The following METAP1 variants were observed in gnomAD, a reference collection of about 807,000 sequenced individuals.
METAP1 encodes methionine aminopeptidase 1.
In METAP1, 28 loss-of-function variants were observed where a neutral mutation model predicts 53.8. The observed-to-expected ratio is 0.52, with a 90% CI of 0.39 to 0.71. The LOEUF (loss-of-function observed/expected upper bound fraction) is 0.71, where lower values mean the gene tolerates loss of function less well. Among genes scored for constraint, METAP1 ranks in the 30% least tolerant of loss-of-function variants. The pLI is 0.00. For missense variants in METAP1, 389 were observed against 479.8 expected, an observed-to-expected ratio of 0.81 and a Z score of 1.77; for synonymous variants, 181 against 165.7, an observed-to-expected ratio of 1.09 and a Z score of -0.71.
In METAP1 at chr4:99,002,054, A is replaced by C. The variant is rs757378277; in HGVS notation, c.114+6187A>C. The stretch of plus-strand genomic sequence containing the variant: ...TAGGAAATGTGATCTTATACTGTTC[A>C]CTTAGTTTGTGGATTGAAATCAAGT... On this transcript the variant is annotated intron_variant, in intron 1 of 10. Coordinates refer to ENST00000296411, the MANE Select transcript of METAP1 (RefSeq NM_015143.3). 3.4e-4 allele frequency among the ~76,000 whole-genome samples: 52 copies of C among 152,204 alleles called. 1 individual carries two copies. The highest frequency in any genetic ancestry group is 6.5e-4 in the Non-Finnish European group (44 of 68,022).
intron 1 of METAP1, among the ~76,000 whole-genome samples, chr4:99,013,814 G>C (rs1473225165): frequency 6.6e-6 from 1 of 152,196 alleles, no homozygotes; most frequent in East Asian, 1.9e-4. Context: ...CAACCTACTG[G>C]AACAAGCTGG....
In METAP1 at chr4:99,005,245, A is replaced by T. The variant is rs113174658; in HGVS notation, c.114+9378A>T. ...TTGCAAACTATGCATCTGACAAAGG[A>T]CTAATACCCAGAATCTACAAGGAAC... On this transcript the variant is annotated intron_variant, in intron 1 of 10. Coordinates refer to ENST00000296411, the MANE Select transcript of METAP1 (RefSeq NM_015143.3). Among the ~76,000 whole-genome samples, 410 of 152,260 alleles carry T rather than the reference A, an allele frequency of 2.7e-3. 4 individuals are homozygous for T. Among genetic ancestry groups the T allele is most frequent in the African/African-American group, 9.3e-3 (388 of 41,560 alleles).
At chr4:99,055,961 G>A (rs1727086949) in intron 9 of METAP1, among the ~76,000 whole-genome samples, 1 of 152,180 alleles carries the variant, frequency 6.6e-6, no homozygotes, top group Non-Finnish European at 1.5e-5. Flanking sequence ...ATGACCTTAG[G>A]ATTTTATAAC....
chr4:99,047,087 A>C (rs1650754569), intron 8 of METAP1, among the ~76,000 whole-genome samples: 1 of 152,144 alleles, frequency 6.6e-6, no homozygotes. Context: ...AGTGCTTTGA[A>C]TTCCTTTGTA....
chr4:98,996,329 G>T (rs1041463439), intron 1 of METAP1, among the ~76,000 whole-genome samples: 17 of 152,348 alleles, frequency 1.1e-4, no homozygotes, highest in Non-Finnish European at 1.3e-4. Context: ...CCGTCCGTCG[G>T]GTCCCTGCGG....
rs562884345 is a variant in METAP1 at position 99,034,769 on chromosome 4, A to T, written c.279+427A>T. Among the ~76,000 whole-genome samples the T allele has an allele frequency of 3.9e-5, 6 of 152,300 alleles. No homozygotes were observed. In the South Asian group the frequency reaches 1.2e-3, roughly 32 times the overall value. ...GTCAACAGATGCAGAACCAGGAGATATGGAGGACTGACTGTATTATACTTT... is the reference window on the plus strand; with the variant it reads ...GTCAACAGATGCAGAACCAGGAGATTTGGAGGACTGACTGTATTATACTTT... On this transcript the variant is annotated intron_variant, in intron 3 of 10. Coordinates refer to ENST00000296411, the MANE Select transcript of METAP1 (RefSeq NM_015143.3).
intron 1 of METAP1, among the ~76,000 whole-genome samples, chr4:98,999,920 G>A (rs1234149600): frequency 7.2e-5 from 11 of 152,126 alleles, no homozygotes; most frequent in African/African-American, 2.7e-4. Flanking sequence ...TTTATTAATA[G>A]AAGTTTTCCT....
rs368724797 is a variant in METAP1, at chr4:99,039,891, C to CT, written c.432+433dup. Among the ~76,000 whole-genome samples the CT allele has an allele frequency of 7.3e-3, 1,107 of 151,302 alleles. 16 individuals carry two copies. The highest frequency in any genetic ancestry group is 0.026 in the African/African-American group (1,065 of 41,218). On this transcript the variant is annotated intron_variant, in intron 5 of 10. Transcript: ENST00000296411. ...ACAGGCGTGAGCCACCACACCTGGC[C>CT]TTTTTTTGTATTTTTAGTAGATACA... is the stretch of plus-strand genomic sequence containing the variant.
At chr4:99,008,829 A>G (rs1200512982) in intron 1 of METAP1, among the ~76,000 whole-genome samples, 1 of 152,228 alleles carries the variant, frequency 6.6e-6, no homozygotes, top group African/African-American at 2.4e-5. Flanking sequence ...GTTGCTCTGC[A>G]TTATATACAC....
chr4:99,060,827 A>T (rs1727499240), intron 10 of METAP1, among the ~76,000 whole-genome samples: 1 of 152,220 alleles, frequency 6.6e-6, no homozygotes, highest in Non-Finnish European at 1.5e-5. Context: ...TTTGATACAT[A>T]TAATGATACA....
chr4:99,051,412 A>G (rs1726693606), intron 9 of METAP1, among the ~76,000 whole-genome samples: 1 of 152,138 alleles, frequency 6.6e-6, no homozygotes, highest in Non-Finnish European at 1.5e-5. Context: ...TTTTTTTGAG[A>G]CAGGATCTCG....
intron 1 of METAP1, chr4:99,023,864 G>A: frequency 1.2e-6 from 1 of 822,634 alleles, no homozygotes; most frequent in Non-Finnish European, 1.5e-6. Flanking sequence ...GGGAATTGCA[G>A]TAGAGAAAGA....
intron 1 of METAP1, among the ~76,000 whole-genome samples, chr4:99,015,778 C>G (rs764085998): frequency 2.6e-5 from 4 of 152,054 alleles, no homozygotes; most frequent in Non-Finnish European, 5.9e-5. Flanking sequence ...AGACAAGCAT[C>G]AAAGGATATC....
intron 2 of METAP1, among the ~76,000 whole-genome samples, chr4:99,033,109 C>A (rs1168356739): frequency 6.6e-6 from 1 of 152,114 alleles, no homozygotes; most frequent in Non-Finnish European, 1.5e-5. Context: ...TCTTGTGAAC[C>A]ACACAGTCTC....
chr4:99,050,464 A>G (rs1234894498), intron 9 of METAP1, among the ~76,000 whole-genome samples: 2 of 152,192 alleles, frequency 1.3e-5, no homozygotes, highest in Non-Finnish European at 2.9e-5. Context: ...GTAAAATCCT[A>G]GACGTGGATA....
At position 99,056,863 on chromosome 4, in the gene METAP1, C is replaced by T. The variant is rs572236917; in HGVS notation, c.932-890C>T. ...AGATTACAGGTGTGAGCCACTGCGC[C>T]CGGCCTTGTTTTTATTTTTGAGAGA... On this transcript the variant is annotated intron_variant, in intron 9 of 10. Coordinates refer to ENST00000296411, the MANE Select transcript of METAP1 (RefSeq NM_015143.3). Among the ~76,000 whole-genome samples the T allele has an allele frequency of 8.0e-5, 12 of 150,410 alleles. No homozygotes were observed. The South Asian group carries it at 2.5e-3, about 32-fold the overall frequency.
chr4:99,032,122 T>C (rs1725081930), intron 2 of METAP1, among the ~76,000 whole-genome samples: 1 of 152,198 alleles, frequency 6.6e-6, no homozygotes. Context: ...TTAAGTAAAT[T>C]GTACCTAGAG....
At chr4:99,052,131 C>T (rs562832541) in intron 9 of METAP1, among the ~76,000 whole-genome samples, 39 of 152,292 alleles carry the variant, frequency 2.6e-4, no homozygotes, top group African/African-American at 3.9e-4. Context: ...ATACAGTAGT[C>T]TATTGTGTGT....
In METAP1 at chr4:99,061,447, CATTTGATGTG is replaced by C; in HGVS notation, c.*131_*140del. 1 of 803,148 alleles carries C rather than the reference CATTTGATGTG, an allele frequency of 1.2e-6. No individual in the cohort carries two copies. Among genetic ancestry groups the C allele is most frequent in the East Asian group, 2.9e-5 (1 of 34,830 alleles). The allele number at this position is 803,148 out of a possible 1,614,324, so 49.8% of individuals were successfully genotyped here. A position where few individuals can be genotyped will look rare whatever the true frequency, so the allele number is the denominator to read the frequency against. On this transcript the variant is annotated 3_prime_UTR_variant, in exon 11 of 11. Transcript: ENST00000296411. Reference sequence around the variant, plus strand: ...GACTATAGATAAGAAAGGACTACAGCATTTGATGTGTGTCCTCAAGAACTTGTCTTGGGTC... The same window carrying C: ...GACTATAGATAAGAAAGGACTACAGCTGTCCTCAAGAACTTGTCTTGGGTC...
Sources: gnomAD v4.1 joint callset for allele counts (sites outside exome capture counted in the v4.1 genomes callset) on GRCh38, gnomAD v4.1.1 for gene constraint, MANE v1.5 for transcripts, NCBI Gene and HGNC (gene_info 2026-07-23, HGNC 2026-07-21) for gene names.